Variants in FCMR observed in about 807,000 individuals in gnomAD.
FCMR encodes Fc mu receptor.
Under a neutral mutation model 41.6 loss-of-function variants are expected in FCMR, and 34 were observed. The ratio of observed to expected loss-of-function variants is 0.82; its 90% CI spans 0.62 to 1.09. The LOEUF is 1.09. Ranked by LOEUF, FCMR falls within the 50% of genes least tolerant of loss-of-function variation. FCMR has a pLI of 0.00. For missense variants in FCMR, 496 were observed against 512.5 expected, an observed-to-expected ratio of 0.97 and a Z score of 0.31; for synonymous variants, 209 against 211.8, an observed-to-expected ratio of 0.99 and a Z score of 0.12.
intron 1 of FCMR, among the ~76,000 whole-genome samples, chr1:206,918,378 G>A (rs1020540288): frequency 1.3e-5 from 2 of 151,938 alleles, no homozygotes; most frequent in Admixed American, 6.6e-5. Context: ...CCCCTCACTC[G>A]CTCATTGACT....
At chr1:206,912,408 G>C (rs1678981189) in intron 3 of FCMR, among the ~76,000 whole-genome samples, 1 of 152,182 alleles carries the variant, frequency 6.6e-6, no homozygotes, top group South Asian at 2.1e-4. Context: ...ATAGGCATAT[G>C]GGATAATATG....
Position 206,918,814 on chromosome 1 carries a change from C to T in FCMR, c.37+3004G>A, listed in dbSNP as rs182635084. ...TGCCTTGCTTTATTATAGAGCTCTACACAGGGCTCCAGGCAAAGTGGTCTA... is the reference window on the plus strand; with the variant it reads ...TGCCTTGCTTTATTATAGAGCTCTATACAGGGCTCCAGGCAAAGTGGTCTA... On this transcript the variant is annotated intron_variant, in intron 1 of 7. Transcript: ENST00000367091. Among the ~76,000 whole-genome samples, 7 of 152,176 alleles carry T rather than the reference C, an allele frequency of 4.6e-5. No individual in the cohort carries two copies. In the East Asian group the frequency reaches 1.4e-3, roughly 29 times the overall value.
At chr1:206,907,300 A>C (rs572293205) in intron 7 of FCMR, among the ~76,000 whole-genome samples, 1 of 152,302 alleles carries the variant, frequency 6.6e-6, no homozygotes, top group South Asian at 2.1e-4. Flanking sequence ...CGTCAGGGTC[A>C]TGGGCTTAAG....
chr1:206,919,867 A>G (rs931547865), intron 1 of FCMR, among the ~76,000 whole-genome samples: 1 of 152,172 alleles, frequency 6.6e-6, no homozygotes, highest in African/African-American at 2.4e-5. Flanking sequence ...CCTATGTCCT[A>G]CTACCTCTCA....
Position 206,913,952 on chromosome 1 carries a change from G to A in FCMR, c.180C>T (p.Thr60=), listed in dbSNP as rs377596508. 57 of 1,614,036 alleles carry A rather than the reference G, an allele frequency of 3.5e-5. No homozygotes were observed. The highest frequency in any genetic ancestry group is 4.7e-5 in the Non-Finnish European group (55 of 1,180,032). The change falls in exon 2 of 8, where the codon ACC becomes ACT. Residue 60 remains threonine, a synonymous_variant. Coordinates refer to ENST00000367091, the MANE Select transcript of FCMR (RefSeq NM_005449.5). ...REMAGSGTCG[T]VVSTTNFIKA... ...TGATGAAGTTGGTGGTGGATACCAC[G>A]GTACCACATGTTCCAGATCCAGCCA...
intron 1 of FCMR, 23 bp from the exon 2 acceptor site, chr1:206,914,117 C>A (rs1486194241): frequency 6.4e-7 from 1 of 1,560,746 alleles, no homozygotes; most frequent in Admixed American, 1.7e-5. Context: ...GAGATTAATG[C>A]AGAGGGAGCC....
chr1:206,912,993 C>T lies in FCMR; in HGVS notation c.423G>A (p.Trp141Ter). 6.2e-7 allele frequency: 1 copy of T among 1,613,842 alleles called. No homozygotes were observed. The highest frequency in any genetic ancestry group is 8.5e-7 in the Non-Finnish European group (1 of 1,179,750). The stretch of plus-strand genomic sequence containing the variant: ...TCTGGAACAAATAGGGCAGATGAAA[C>T]CATTTTGGAGTCTCAGGCATTGGCT... ...EEQPMPETPK[W>*]FHLPYLFQMP... Residue 141 changes from tryptophan (W) to a stop codon, truncating the protein, a stop_gained, in exon 3 of 8, where the codon TGG (tryptophan) becomes TGA (stop). Coordinates refer to ENST00000367091, the MANE Select transcript of FCMR (RefSeq NM_005449.5). LOFTEE classifies it high-confidence loss of function.
At chr1:206,912,251 G>C (rs1678975810) in intron 3 of FCMR, among the ~76,000 whole-genome samples, 1 of 152,166 alleles carries the variant, frequency 6.6e-6, no homozygotes, top group African/African-American at 2.4e-5. Flanking sequence ...AATCTGCCTT[G>C]TGCTGTATTT....
chr1:206,907,062 A>C (rs2102542569), intron 7 of FCMR, among the ~76,000 whole-genome samples: 2 of 86,832 alleles, frequency 2.3e-5, no homozygotes, highest in Non-Finnish European at 4.5e-5. Context: ...GGGGTGGGGA[A>C]GGGCAAGCCG....
intron 1 of FCMR, among the ~76,000 whole-genome samples, chr1:206,915,020 C>T (rs1010823115): frequency 3.3e-5 from 5 of 152,194 alleles, no homozygotes; most frequent in Non-Finnish European, 7.3e-5. Flanking sequence ...GAGCATGGTG[C>T]GGTTATGTTG....
chr1:206,904,797 A>G lies in FCMR; in HGVS notation c.*222T>C. 3 of 550,912 alleles carry G rather than the reference A, an allele frequency of 5.4e-6. No individual in the cohort carries two copies. The highest frequency in any genetic ancestry group is 2.0e-5 in the South Asian group (1 of 48,932). 34.1% of individuals were successfully genotyped at this position (550,912 alleles called of 1,614,324 possible). ...ATTGGGACAATTGCTCTACATGCCT[A>G]CAGCTTACCTGTCAACTACAGGGGG... On this transcript the variant is annotated 3_prime_UTR_variant, in exon 8 of 8. Coordinates refer to ENST00000367091, the MANE Select transcript of FCMR (RefSeq NM_005449.5).
At position 206,910,486 on chromosome 1, in the gene FCMR, A is replaced by G. The variant is rs954957873; in HGVS notation, c.711-146T>C. ...AGAATTCACTCCACTCCCCCCTCAA[A>G]AAGACTTGCCTATGGAGTCACGAAA... is the stretch of plus-strand genomic sequence containing the variant. On this transcript the variant is annotated intron_variant, in intron 4 of 7. Coordinates refer to ENST00000367091, the MANE Select transcript of FCMR (RefSeq NM_005449.5). The G allele has an allele frequency of 2.0e-5, 11 of 553,812 alleles. No homozygotes were observed. In the East Asian group the frequency reaches 2.5e-4, roughly 13 times the overall value. The allele number at this position is 553,812 out of a possible 1,614,324, so 34.3% of individuals were successfully genotyped here.
At chr1:206,913,564 A>G (rs1679036214) in intron 2 of FCMR, 195 bp downstream of exon 2, 3 of 602,054 alleles carry the variant, frequency 5.0e-6, no homozygotes, top group Non-Finnish European at 8.8e-6. Flanking sequence ...TTCTTTTCAT[A>G]CATGTTGGGT....
At position 206,903,340 on chromosome 1, in the gene FCMR, T is replaced by A; in HGVS notation, c.*1679A>T. On this transcript the variant is annotated 3_prime_UTR_variant, in exon 8 of 8. Transcript: ENST00000367091. ...TATTTCAACTGAAGTTCTATTTATT[T>A]GTGAGACTGTAAGTTACATGAAGGC... 1 of 353,198 alleles carries A rather than the reference T, an allele frequency of 2.8e-6. No individual in the cohort carries two copies. Among genetic ancestry groups the A allele is most frequent in the Non-Finnish European group, 5.3e-6 (1 of 189,482 alleles). 21.9% of individuals were successfully genotyped at this position (353,198 alleles called of 1,614,324 possible). A position where few individuals can be genotyped will look rare whatever the true frequency, so the allele number is the denominator to read the frequency against.
In FCMR at chr1:206,909,687, T is replaced by C; in HGVS notation, c.985+38A>G. On this transcript the variant is annotated intron_variant, in intron 6 of 7. Transcript: ENST00000367091. The surrounding 1 kb of genome is among the most constrained non-coding windows in gnomAD (Gnocchi z 5.0). ...CCCGGCTTTCCCGGAGCCAGCGCACTCTTTCCGCTACTCCCCGTGGCCCGC... is the reference window on the plus strand; with the variant it reads ...CCCGGCTTTCCCGGAGCCAGCGCACCCTTTCCGCTACTCCCCGTGGCCCGC... 1 of 1,380,220 alleles carries C rather than the reference T, an allele frequency of 7.2e-7. No homozygotes were observed. Among genetic ancestry groups the C allele is most frequent in the Non-Finnish European group, 9.3e-7 (1 of 1,077,488 alleles). 85.5% of individuals were successfully genotyped at this position (1,380,220 alleles called of 1,614,324 possible).
chr1:206,910,269 C>A lies in FCMR; in HGVS notation c.782G>T (p.Gly261Val). Residue 261 changes from glycine (G) to valine (V), a missense_variant, in exon 5 of 8, where the codon GGC becomes GTC. Physicochemically the swap from Gly to Val is moderately radical, Grantham distance 109. Transcript: ENST00000367091. ...GFHILIPTIL[G>V]LFLLALLGLV... is the part of the protein sequence containing the mutation. ...CCCCAGAAGTGCCAGCAGGAAAAGGCCCAGGATGGTCGGGATCAGGATGTG... is the reference window on the plus strand; with the variant it reads ...CCCCAGAAGTGCCAGCAGGAAAAGGACCAGGATGGTCGGGATCAGGATGTG... 2 of 1,584,448 alleles carry A rather than the reference C, an allele frequency of 1.3e-6. No individual in the cohort carries two copies. Among genetic ancestry groups the A allele is most frequent in the Non-Finnish European group, 1.7e-6 (2 of 1,165,362 alleles).
rs1030173982 is a variant in FCMR, at chr1:206,909,407, G to T, written c.1044+55C>A. The T allele has an allele frequency of 6.3e-6, 7 of 1,119,292 alleles. No homozygotes were observed. The highest frequency in any genetic ancestry group is 7.9e-6 in the Non-Finnish European group (7 of 883,448). 69.3% of individuals were successfully genotyped at this position (1,119,292 alleles called of 1,614,324 possible). ...AGCCACACTCGGGTCCCCGCCCAGG[G>T]CTGGGGCCGCCCAGTCGGGCCGCGG... is the stretch of plus-strand genomic sequence containing the variant. On this transcript the variant is annotated intron_variant, in intron 7 of 7. Coordinates refer to ENST00000367091, the MANE Select transcript of FCMR (RefSeq NM_005449.5). This position sits in a 1 kb window ranked among gnomAD's most constrained non-coding sequence, Gnocchi z 5.0.
At chr1:206,906,389 CTCGATGTATGACATGA>C (rs1425455629) in intron 7 of FCMR, 1 of 188,728 alleles carries the variant, frequency 5.3e-6, no homozygotes, top group Non-Finnish European at 1.1e-5. Flanking sequence ...AGAGGAAATC[CTCGATGTATGACATGA>C]TTTTGTTTTT....
At chr1:206,906,747 T>C (rs1278460407) in intron 7 of FCMR, among the ~76,000 whole-genome samples, 1 of 151,710 alleles carries the variant, frequency 6.6e-6, no homozygotes, top group African/African-American at 2.4e-5. Flanking sequence ...TGGAACAAGG[T>C]GCAGGCCCAG....
Sources: gnomAD v4.1 joint callset for allele counts (sites outside exome capture counted in the v4.1 genomes callset) on GRCh38, gnomAD v4.1.1 for gene constraint, Gnocchi (gnomAD v3.1) non-coding constraint, MANE v1.5 for transcripts, NCBI Gene and HGNC (gene_info 2026-07-23, HGNC 2026-07-21) for gene names.